The following PIEZO2 variants were observed in gnomAD, a reference collection of about 807,000 sequenced individuals.
PIEZO2 encodes piezo type mechanosensitive ion channel component 2, also known as piezo-type mechanosensitive ion channel component 2.
PIEZO2 carries 172 observed loss-of-function variants against 337.3 expected under a neutral mutation model. The observed-to-expected ratio is 0.51, with a 90% CI of 0.45 to 0.58. The LOEUF (loss-of-function observed/expected upper bound fraction) is 0.58. Ranked by LOEUF, PIEZO2 falls within the 20% of genes least tolerant of loss-of-function variation. The pLI is 0.00. For missense variants in PIEZO2, 3,028 were observed against 3,391.3 expected, an observed-to-expected ratio of 0.89 and a Z score of 2.66; for synonymous variants, 1,251 against 1,228.5, an observed-to-expected ratio of 1.02 and a Z score of -0.38.
rs1360365861 is a variant in PIEZO2, at chr18:11,143,637, ACACTCT to A, written c.64+4882_64+4887del. Among the ~76,000 whole-genome samples the A allele has an allele frequency of 8.6e-4, 80 of 93,392 alleles. No homozygotes were observed. Among genetic ancestry groups the A allele is most frequent in the African/African-American group, 4.0e-3 (68 of 17,020 alleles). The allele number at this position is 93,392 out of a possible 152,430, so 61.3% of individuals were successfully genotyped here. On this transcript the variant is annotated intron_variant, in intron 1 of 55. Coordinates refer to ENST00000674853, the MANE Select transcript of PIEZO2 (RefSeq NM_001378183.1). The surrounding 1 kb of genome is among the most constrained non-coding windows in gnomAD (Gnocchi z 4.9). ...CACACACACACACACACACACACAC[ACACTCT>A]CTCTCTCTCTCTCTCTCTCTCTCTC...
At chr18:11,141,785 A>T (rs982999098) in intron 1 of PIEZO2, among the ~76,000 whole-genome samples, 5 of 152,160 alleles carry the variant, frequency 3.3e-5, no homozygotes, top group Non-Finnish European at 7.4e-5. Flanking sequence ...AGAGTTGGCG[A>T]CAATACTGAG....
chr18:11,121,710 A>G (rs2040032019), intron 1 of PIEZO2, among the ~76,000 whole-genome samples: 1 of 152,186 alleles, frequency 6.6e-6, no homozygotes, highest in Non-Finnish European at 1.5e-5. Context: ...TTCAGTCTGA[A>G]AGGTCAAAGT....
At chr18:11,120,934 T>C (rs928387021) in intron 1 of PIEZO2, among the ~76,000 whole-genome samples, 2 of 152,192 alleles carry the variant, frequency 1.3e-5, no homozygotes, top group Non-Finnish European at 2.9e-5. Context: ...TTAAGCAAAA[T>C]GTTTTATTAC....
rs2039363201 is a variant in PIEZO2, at chr18:11,099,951, A to G, written c.65-33729T>C. On this transcript the variant is annotated intron_variant, in intron 1 of 55. Coordinates refer to ENST00000674853, the MANE Select transcript of PIEZO2 (RefSeq NM_001378183.1). The surrounding 1 kb of genome is among the most constrained non-coding windows in gnomAD (Gnocchi z 5.4). ...AAGCCTTTGTTAATTATATAATCAC[A>G]AATGTTTTCTCCTAGTATGTCATTT... Among the ~76,000 whole-genome samples, 1 of 152,204 alleles carries G rather than the reference A, an allele frequency of 6.6e-6. No individual in the cohort carries two copies. The highest frequency in any genetic ancestry group is 1.5e-5 in the Non-Finnish European group (1 of 68,034).
At chr18:10,890,536 C>A (rs899412905) in intron 4 of PIEZO2, 1 of 152,192 alleles carries the variant, frequency 6.6e-6, no homozygotes, top group Non-Finnish European at 1.5e-5. Flanking sequence ...GAAGAAGAAG[C>A]AAACACATCC....
At chr18:10,675,716 T>C (rs780426354) in intron 53 of PIEZO2, among the ~76,000 whole-genome samples, 1 of 152,152 alleles carries the variant, frequency 6.6e-6, no homozygotes, top group Non-Finnish European at 1.5e-5. Context: ...CCCACCCAAA[T>C]CTCATCTTGA....
In PIEZO2 at chr18:11,002,984, C is replaced by T. The variant is rs1427911497; in HGVS notation, c.161-23324G>A. On this transcript the variant is annotated intron_variant, in intron 2 of 55. Coordinates refer to ENST00000674853, the MANE Select transcript of PIEZO2 (RefSeq NM_001378183.1). This position sits in a 1 kb window ranked among gnomAD's most constrained non-coding sequence, Gnocchi z 4.3. Reference sequence around the variant, plus strand: ...AACAGAGGAAGTGAGGCAAGAGGCGCTCCTGCTACCAGAGGCTTCCTCCTT... The same window carrying T: ...AACAGAGGAAGTGAGGCAAGAGGCGTTCCTGCTACCAGAGGCTTCCTCCTT... 7.2e-6 allele frequency among the ~76,000 whole-genome samples: 1 copy of T among 139,646 alleles called. No homozygotes were observed. Among genetic ancestry groups the T allele is most frequent in the Non-Finnish European group, 1.5e-5 (1 of 67,920 alleles). The allele number at this position is 139,646 out of a possible 152,430, so 91.6% of individuals were successfully genotyped here.
intron 30 of PIEZO2, among the ~76,000 whole-genome samples, chr18:10,747,748 C>G (rs998660800): frequency 6.6e-6 from 1 of 152,188 alleles, no homozygotes; most frequent in Non-Finnish European, 1.5e-5. Flanking sequence ...AGAACAGACT[C>G]TAGCGAAACT....
rs2034294815 is a variant in PIEZO2 at position 10,682,154 on chromosome 18, T to C, written c.7636A>G (p.Ile2546Val). The C allele has an allele frequency of 3.3e-6, 5 of 1,537,166 alleles. No individual in the cohort carries two copies. Among genetic ancestry groups the C allele is most frequent in the Non-Finnish European group, 4.4e-6 (5 of 1,146,890 alleles). The change falls in exon 50 of 56, where the codon ATC becomes GTC. Residue 2546 changes from isoleucine (I) to valine (V), a missense_variant. Ile to Val is a conservative substitution (Grantham distance 29). This residue lies in a region of PIEZO2 where 179 missense variants were observed against 281.8 expected (regional missense o/e 0.64). Coordinates refer to ENST00000674853, the MANE Select transcript of PIEZO2 (RefSeq NM_001378183.1). This position sits in a 1 kb window ranked among gnomAD's most constrained non-coding sequence, Gnocchi z 5.6. ...ACGGAGACGTCCAGGGGCTGGTTGA[T>C]GACCCCAGCCACAGATTTGATCAAA... ...MSLIKSVAGV[I>V]NQPLDVSVTI...
At chr18:10,801,903 A>T (rs1366251058) in intron 9 of PIEZO2, among the ~76,000 whole-genome samples, 2 of 151,952 alleles carry the variant, frequency 1.3e-5, no homozygotes, top group Non-Finnish European at 2.9e-5. Flanking sequence ...TGGCTAACAC[A>T]GTGAAACCCC....
In PIEZO2 at chr18:10,787,488, T is replaced by A. The variant is rs2039264532; in HGVS notation, c.2170-304A>T. Among the ~76,000 whole-genome samples, 2 of 152,176 alleles carry A rather than the reference T, an allele frequency of 1.3e-5. 1 individual carries two copies. The highest frequency in any genetic ancestry group is 4.2e-4 in the South Asian group (2 of 4,806). ...ATTGCTTATGGGTTCCTGCAAGCTA[T>A]CTGGCCCATAGGGGGCGCTCAAGGA... On this transcript the variant is annotated intron_variant, in intron 15 of 55. Coordinates refer to ENST00000674853, the MANE Select transcript of PIEZO2 (RefSeq NM_001378183.1).
chr18:10,857,152 TC>T lies in PIEZO2; in HGVS notation c.551del (p.Gly184GlufsTer15). On this transcript the variant is annotated frameshift_variant, in exon 6 of 56. Coordinates refer to ENST00000674853, the MANE Select transcript of PIEZO2 (RefSeq NM_001378183.1). LOFTEE classifies it high-confidence loss of function. ...CCAACTCGCCTTCAACACCATCTCC[TC>T]CATTGAAATCCTCTTCATAGATCAG... ...EALIYEEDFN[G>X]GDGVEGELEE... 1 of 1,537,890 alleles carries T rather than the reference TC, an allele frequency of 6.5e-7. No homozygotes were observed. The highest frequency in any genetic ancestry group is 1.2e-5 in the South Asian group (1 of 84,062).
In PIEZO2 at chr18:10,700,732, T is replaced by A. The variant is rs539576785; in HGVS notation, c.6441+1257A>T. ...AATTTCTAAGACTAAAAAACAAGGT[T>A]AATACATTTATTAATATGTTCATAA... On this transcript the variant is annotated intron_variant, in intron 43 of 55. Transcript: ENST00000674853. Among the ~76,000 whole-genome samples, 27 of 152,360 alleles carry A rather than the reference T, an allele frequency of 1.8e-4. No individual in the cohort carries two copies. The East Asian group carries it at 5.0e-3, about 28-fold the overall frequency.
Position 11,143,639 on chromosome 18 carries a change from A to ACT in PIEZO2, c.64+4884_64+4885dup, listed in dbSNP as rs1243372461. On this transcript the variant is annotated intron_variant, in intron 1 of 55. Transcript: ENST00000674853. This position sits in a 1 kb window ranked among gnomAD's most constrained non-coding sequence, Gnocchi z 4.9. ...CACACACACACACACACACACACAC[A>ACT]CTCTCTCTCTCTCTCTCTCTCTCTC... Among the ~76,000 whole-genome samples the ACT allele has an allele frequency of 0.02, 1,845 of 92,748 alleles. 25 individuals carry two copies. The highest frequency in any genetic ancestry group is 0.026 in the Non-Finnish European group (1,328 of 51,176). 60.8% of individuals were successfully genotyped at this position (92,748 alleles called of 152,430 possible).
chr18:11,015,407 A>G (rs186990735), intron 2 of PIEZO2, among the ~76,000 whole-genome samples: 3 of 152,298 alleles, frequency 2.0e-5, no homozygotes, highest in Admixed American at 2.0e-4. Flanking sequence ...CCCTGATTTC[A>G]TGGAGAGCTC....
At chr18:10,948,854 G>T (rs2033152896) in intron 3 of PIEZO2, among the ~76,000 whole-genome samples, 1 of 152,298 alleles carries the variant, frequency 6.6e-6, no homozygotes, top group East Asian at 1.9e-4. Flanking sequence ...ACATTAAATG[G>T]TGTGTTTTGT....
At chr18:10,938,509 C>T (rs1248757988) in intron 3 of PIEZO2, among the ~76,000 whole-genome samples, 3 of 152,104 alleles carry the variant, frequency 2.0e-5, no homozygotes, top group Non-Finnish European at 4.4e-5. Context: ...GGGAAGTCAA[C>T]AAAGATTTAG....
intron 31 of PIEZO2, 44 bp downstream of exon 31, chr18:10,744,098 C>T (rs1346214594): frequency 1.4e-6 from 2 of 1,404,010 alleles, no homozygotes; most frequent in African/African-American, 1.4e-5. Context: ...TGTGGTCACA[C>T]AATCAGAAGA....
chr18:10,999,030 G>A (rs1215554771), intron 2 of PIEZO2, among the ~76,000 whole-genome samples: 1 of 151,998 alleles, frequency 6.6e-6, no homozygotes, highest in African/African-American at 2.4e-5. Context: ...TGATTTAAAT[G>A]TGGCATGCAA....
Sources: allele counts gnomAD v4.1 joint callset (sites outside exome capture counted in the v4.1 genomes callset), GRCh38; gene constraint gnomAD v4.1.1; regional missense constraint gnomAD v4.1.1; non-coding constraint Gnocchi (gnomAD v3.1); transcripts MANE v1.5; gene names NCBI Gene and HGNC (gene_info 2026-07-23, HGNC 2026-07-21).